Variants in VWA5B2 observed in about 807,000 individuals in gnomAD.
The protein encoded by VWA5B2 is von Willebrand factor A domain containing 5B2.
In VWA5B2, 93 loss-of-function variants were observed where a neutral mutation model predicts 118.5. The observed-to-expected ratio is 0.79, with a 90% CI of 0.66 to 0.93. The LOEUF is 0.93. Among genes scored for constraint, VWA5B2 ranks in the 40% least tolerant of loss-of-function variants. The pLI, the probability that VWA5B2 is intolerant of heterozygous loss-of-function variation, is 0.00. For missense variants in VWA5B2, 1,546 were observed against 1,672.8 expected, an observed-to-expected ratio of 0.92 and a Z score of 1.32; for synonymous variants, 708 against 716.3, an observed-to-expected ratio of 0.99 and a Z score of 0.19.
Position 184,241,314 on chromosome 3 carries a change from G to C in VWA5B2, c.3090G>C (p.Arg1030=). 4 of 1,551,298 alleles carry C rather than the reference G, an allele frequency of 2.6e-6. No individual in the cohort carries two copies. In the South Asian group the frequency reaches 4.8e-5, roughly 18 times the overall value. ...PRRPPPRPPC[R]LSMGRRHKLC... Reference sequence around the variant, plus strand: ...GCCCACCTCCCCGTCCTCCCTGTCGGCTCAGCATGGGCCGCCGTCACAAAC... The same window carrying C: ...GCCCACCTCCCCGTCCTCCCTGTCGCCTCAGCATGGGCCGCCGTCACAAAC... Residue 1030 remains arginine, a synonymous_variant, in exon 19 of 20, where the codon CGG becomes CGC. Transcript: ENST00000691901. The surrounding 1 kb of genome is among the most constrained non-coding windows in gnomAD (Gnocchi z 5.1).
Position 184,241,245 on chromosome 3 carries a change from G to A in VWA5B2, c.3021G>A (p.Lys1007=). 4.5e-6 allele frequency: 7 copies of A among 1,551,256 alleles called. No individual in the cohort carries two copies. Among genetic ancestry groups the A allele is most frequent in the Non-Finnish European group, 6.1e-6 (7 of 1,146,950 alleles). Residue 1007 remains lysine, a synonymous_variant, in exon 19 of 20, where the codon AAG becomes AAA. Transcript: ENST00000691901. The surrounding 1 kb of genome is among the most constrained non-coding windows in gnomAD (Gnocchi z 5.1). ...AWDSDQNGNS[K]RALGDPATPT... ...ACTCGGACCAAAATGGCAACTCCAA[G>A]CGTGCTTTGGGGGACCCTGCCACTC... is the stretch of plus-strand genomic sequence containing the variant.
intron 5 of VWA5B2, 108 bp from the exon 6 acceptor site, chr3:184,234,158 G>C: frequency 7.2e-7 from 1 of 1,384,972 alleles, no homozygotes; most frequent in Non-Finnish European, 9.8e-7. Context: ...ACCCCATATA[G>C]ATCAGACTCT....
chr3:184,239,235 A>G lies in VWA5B2; in HGVS notation c.2203-159A>G, dbSNP rs1718309711. On this transcript the variant is annotated intron_variant, in intron 14 of 19. Coordinates refer to ENST00000691901, the MANE Select transcript of VWA5B2 (RefSeq NM_001390846.1). This position sits in a 1 kb window ranked among gnomAD's most constrained non-coding sequence, Gnocchi z 5.1. ...ATGATGCTGGGAAGGGGCCAAGGCC[A>G]GAGGTCACTGTAGGCCATAAGGAAC... is the stretch of plus-strand genomic sequence containing the variant. 6.6e-6 allele frequency among the ~76,000 whole-genome samples: 1 copy of G among 152,214 alleles called. No homozygotes were observed. Among genetic ancestry groups the G allele is most frequent in the Admixed American group, 6.5e-5 (1 of 15,286 alleles).
Position 184,239,574 on chromosome 3 carries a change from G to C in VWA5B2, c.2383G>C (p.Asp795His). 6.6e-7 allele frequency: 1 copy of C among 1,523,508 alleles called. No homozygotes were observed. Among genetic ancestry groups the C allele is most frequent in the Non-Finnish European group, 8.9e-7 (1 of 1,128,282 alleles). The allele number at this position is 1,523,508 out of a possible 1,614,324, so 94.4% of individuals were successfully genotyped here. A position where few individuals can be genotyped will look rare whatever the true frequency, so the allele number is the denominator to read the frequency against. The change falls in exon 15 of 20, where the codon GAT becomes CAT. Residue 795 changes from aspartate (D) to histidine (H), a missense_variant. Asp to His is a moderately conservative substitution (Grantham distance 81, BLOSUM62 -1). Around this residue, in one of 3 missense-constraint regions of VWA5B2, gnomAD observed 763 missense variants for 766.6 expected, o/e 1.00. Transcript: ENST00000691901. The surrounding 1 kb of genome is among the most constrained non-coding windows in gnomAD (Gnocchi z 5.1). ...EPGQQLGQGLDDSGNLLSPAP... is the reference protein window; with the variant it reads ...EPGQQLGQGLHDSGNLLSPAP... ...AGGCCAACAGTTGGGACAAGGCCTG[G>C]ATGACTCAGGTAAGTGTTGGATGGG...
At chr3:184,230,722 C>A (rs1169053408) in intron 2 of VWA5B2, 25 bp from the exon 3 acceptor site, 20 of 1,216,278 alleles carry the variant, frequency 1.6e-5, no homozygotes, top group Middle Eastern at 6.4e-4. Flanking sequence ...CAGGGTCCGA[C>A]GCCGCCTCCC....
Position 184,230,364 on chromosome 3 carries a change from C to A in VWA5B2, c.-149-16C>A. ...CCTGCCGCCCCCTTATCTCCCCCGC[C>A]ACCTGTCGCCCTCAGGAGCTCCCGC... On this transcript the variant is annotated splice_polypyrimidine_tract_variant and intron_variant, in intron 1 of 19. Transcript: ENST00000691901. The A allele has an allele frequency of 1.2e-6, 1 of 811,636 alleles. No individual in the cohort carries two copies. Among genetic ancestry groups the A allele is most frequent in the Non-Finnish European group, 1.7e-6 (1 of 584,356 alleles). 50.3% of individuals were successfully genotyped at this position (811,636 alleles called of 1,614,324 possible).
In VWA5B2 at chr3:184,242,071, AC is replaced by A. The variant is rs1249138316; in HGVS notation, c.*36del. 1.3e-6 allele frequency: 2 copies of A among 1,542,996 alleles called. No homozygotes were observed. Among genetic ancestry groups the A allele is most frequent in the Non-Finnish European group, 1.7e-6 (2 of 1,146,306 alleles). On this transcript the variant is annotated 3_prime_UTR_variant, in exon 20 of 20. Transcript: ENST00000691901. ...CCCCTGCTGCTTGGGCTGGCGCCCC[AC>A]CCAACACACTCAAGTCACTGCCGCC...
intron 5 of VWA5B2, among the ~76,000 whole-genome samples, 188 bp from the exon 6 acceptor site, chr3:184,234,078 C>T (rs913669643): frequency 2.6e-5 from 4 of 152,198 alleles, no homozygotes; most frequent in African/African-American, 9.7e-5. Context: ...GACTCTTCGA[C>T]CAGCCAGAAA....
chr3:184,231,504 A>G (rs148368635), intron 3 of VWA5B2, among the ~76,000 whole-genome samples: 43 of 152,298 alleles, frequency 2.8e-4, no homozygotes, highest in African/African-American at 1.0e-3. Context: ...TTCCTAGGGA[A>G]ACCCTCCCTG....
At position 184,237,992 on chromosome 3, in the gene VWA5B2, A is replaced by G. The variant is rs1414368635; in HGVS notation, c.1720-311A>G. Among the ~76,000 whole-genome samples the G allele has an allele frequency of 6.6e-6, 1 of 152,088 alleles. No homozygotes were observed. Among genetic ancestry groups the G allele is most frequent in the African/African-American group, 2.4e-5 (1 of 41,408 alleles). On this transcript the variant is annotated intron_variant, in intron 12 of 19. Coordinates refer to ENST00000691901, the MANE Select transcript of VWA5B2 (RefSeq NM_001390846.1). The surrounding 1 kb of genome is among the most constrained non-coding windows in gnomAD (Gnocchi z 5.6). ...AGTAGGAGCTGGGGACATGGTAGTT[A>G]TTTTTTAATGAAAAGCTTTATCTCT...
In VWA5B2 at chr3:184,241,415, G is replaced by A. The variant is rs755127631; in HGVS notation, c.3180+11G>A. On this transcript the variant is annotated intron_variant, in intron 19 of 19. Transcript: ENST00000691901. This position sits in a 1 kb window ranked among gnomAD's most constrained non-coding sequence, Gnocchi z 5.1. ...GACTACCTGCCCTTGGTGAGGACTC[G>A]GGAGGTGGAGGGTGGTGCCGCCGGG... The A allele has an allele frequency of 4.4e-6, 7 of 1,576,442 alleles. No homozygotes were observed. In the East Asian group the frequency reaches 7.0e-5, roughly 16 times the overall value.
rs770226647 is a variant in VWA5B2, at chr3:184,235,198, C to T, written c.991C>T (p.Pro331Ser). The change falls in exon 8 of 20, where the codon CCC becomes TCC. Residue 331 changes from proline (P) to serine (S), a missense_variant. Physicochemically the swap from Pro to Ser is moderately conservative, Grantham distance 74. Around this residue, in one of 3 missense-constraint regions of VWA5B2, gnomAD observed 775 missense variants for 882.3 expected, o/e 0.88. Transcript: ENST00000691901. Reference sequence around the variant, plus strand: ...CTTCCACAAGGACATCCTGCTGAACCCCGTGCTGGCGCTGAGCTTCTGCCC... The same window carrying T: ...CTTCCACAAGGACATCCTGCTGAACTCCGTGCTGGCGCTGAGCTTCTGCCC... ...RRFHKDILLN[P>S]VLALSFCPDL... The T allele has an allele frequency of 6.4e-7, 1 of 1,551,726 alleles. No individual in the cohort carries two copies. Among genetic ancestry groups the T allele is most frequent in the Admixed American group, 2.0e-5 (1 of 51,002 alleles).
chr3:184,235,409 C>A, intron 8 of VWA5B2, 101 bp downstream of exon 8: 2 of 1,310,260 alleles, frequency 1.5e-6, no homozygotes, highest in Non-Finnish European at 2.1e-6. Context: ...TACCTTGTTG[C>A]TTCAAACACC....
rs2108431946 is a variant in VWA5B2 at position 184,239,542 on chromosome 3, C to T, written c.2351C>T (p.Pro784Leu). ...SLGAILDGPSPEPGQQLGQGL... is the reference protein window; with the variant it reads ...SLGAILDGPSLEPGQQLGQGL... Reference sequence around the variant, plus strand: ...GGTGCAATACTAGATGGCCCAAGTCCTGAGCCAGGCCAACAGTTGGGACAA... The same window carrying T: ...GGTGCAATACTAGATGGCCCAAGTCTTGAGCCAGGCCAACAGTTGGGACAA... The change falls in exon 15 of 20, where the codon CCT (proline) becomes CTT (leucine). Residue 784 changes from proline (P) to leucine (L), a missense_variant. Transcript: ENST00000691901. The surrounding 1 kb of genome is among the most constrained non-coding windows in gnomAD (Gnocchi z 5.1). 6.5e-7 allele frequency: 1 copy of T among 1,540,980 alleles called. No individual in the cohort carries two copies. Among genetic ancestry groups the T allele is most frequent in the Non-Finnish European group, 8.8e-7 (1 of 1,139,694 alleles).
In VWA5B2 at chr3:184,241,870, G is replaced by T; in HGVS notation, c.3561G>T (p.Trp1187Cys). Residue 1187 changes from tryptophan (W) to cysteine (C), a missense_variant, in exon 20 of 20, where the codon TGG becomes TGT. By Grantham distance (215) the Trp-to-Cys change is radical. This residue lies in a region of VWA5B2 where 763 missense variants were observed against 766.6 expected (regional missense o/e 1.00). Coordinates refer to ENST00000691901, the MANE Select transcript of VWA5B2 (RefSeq NM_001390846.1). This position sits in a 1 kb window ranked among gnomAD's most constrained non-coding sequence, Gnocchi z 5.1. ...EHRCAAAFDE[W>C]ELTAAKADCW... is the part of the protein sequence containing the mutation. ...GATGCGCCGCTGCCTTCGACGAGTG[G>T]GAACTGACAGCGGCCAAGGCTGATT... 6.5e-7 allele frequency: 1 copy of T among 1,545,934 alleles called. No individual in the cohort carries two copies.
rs776511693 is a variant in VWA5B2 at position 184,238,660 on chromosome 3, G to A, written c.1989G>A (p.Glu663=). The A allele has an allele frequency of 3.1e-5, 48 of 1,551,470 alleles. No homozygotes were observed. The South Asian group carries it at 5.6e-4, about 18-fold the overall frequency. ...RRIFQSSYIR[E]QYVLTHCSAS... is the part of the protein sequence containing the mutation. ...TCTTTCAGTCCTCGTACATTCGGGA[G>A]CAGTATGTGCTCACCCACTGCTCTG... is the stretch of plus-strand genomic sequence containing the variant. The change falls in exon 14 of 20, where the codon GAG becomes GAA. Residue 663 remains glutamate (E), a synonymous_variant. Coordinates refer to ENST00000691901, the MANE Select transcript of VWA5B2 (RefSeq NM_001390846.1). This position sits in a 1 kb window ranked among gnomAD's most constrained non-coding sequence, Gnocchi z 5.0.
At chr3:184,230,184 G>T (rs1359530246) in intron 1 of VWA5B2, among the ~76,000 whole-genome samples, 196 bp from the exon 2 acceptor site, 1 of 152,154 alleles carries the variant, frequency 6.6e-6, no homozygotes. Context: ...GGGGGTGGCT[G>T]CGAGGTTGGG....
chr3:184,238,418 C>T lies in VWA5B2; in HGVS notation c.1835C>T (p.Thr612Ile). 6.4e-7 allele frequency: 1 copy of T among 1,550,828 alleles called. No homozygotes were observed. Among genetic ancestry groups the T allele is most frequent in the Non-Finnish European group, 8.7e-7 (1 of 1,146,778 alleles). The change falls in exon 13 of 20, where the codon ACA becomes ATA. Residue 612 changes from threonine to isoleucine, a missense_variant. By Grantham distance (89) the Thr-to-Ile change is moderately conservative. This residue lies in a region of VWA5B2 where 775 missense variants were observed against 882.3 expected (regional missense o/e 0.88). Transcript: ENST00000691901. The surrounding 1 kb of genome is among the most constrained non-coding windows in gnomAD (Gnocchi z 5.0). ...EPTGTSEPLG[T>I]GTVSAELSSP... ...ACTGGCACCTCAGAGCCACTGGGAA[C>T]AGGCACTGTCTCAGCAGAACTGTCC...
rs2108427061 is a variant in VWA5B2 at position 184,236,681 on chromosome 3, C to T, written c.1465C>T (p.Gln489Ter). The T allele has an allele frequency of 6.4e-7, 1 of 1,551,444 alleles. No individual in the cohort carries two copies. Among genetic ancestry groups the T allele is most frequent in the Non-Finnish European group, 8.7e-7 (1 of 1,146,782 alleles). ...GLGPTCHQLL[Q>*]GLSALSRGQA... ...GGGGCCCACCTGCCACCAGCTGCTC[C>T]AGGGTTTATCTGCCCTCAGCAGAGG... is the stretch of plus-strand genomic sequence containing the variant. The change falls in exon 11 of 20, where the codon CAG becomes TAG. Residue 489 changes from glutamine (Q) to a stop codon, truncating the protein, a stop_gained. Transcript: ENST00000691901. LOFTEE classifies it high-confidence loss of function.
Sources: gnomAD v4.1 joint callset for allele counts (sites outside exome capture counted in the v4.1 genomes callset) on GRCh38, gnomAD v4.1.1 for gene constraint, gnomAD v4.1.1 regional missense constraint, Gnocchi (gnomAD v3.1) non-coding constraint, MANE v1.5 for transcripts, NCBI Gene and HGNC (gene_info 2026-07-23, HGNC 2026-07-21) for gene names.